The following CMTM8 variants were observed in gnomAD, a reference collection of about 807,000 sequenced individuals.
CMTM8 encodes CKLF-like MARVEL transmembrane domain-containing protein 8.
CMTM8 carries 12 observed loss-of-function variants against 18.6 expected under a neutral mutation model. The observed-to-expected ratio is 0.65, with a 90% CI of 0.41 to 1.05. CMTM8 has a LOEUF of 1.05. Among genes scored for constraint, CMTM8 ranks in the 50% least tolerant of loss-of-function variants. CMTM8 has a pLI of 0.00. For missense variants in CMTM8, 217 were observed against 227.2 expected (o/e 0.95, Z 0.29); for synonymous variants, 87 against 90.6 (o/e 0.96, Z 0.23).
intron 1 of CMTM8, among the ~76,000 whole-genome samples, chr3:32,351,285 A>G (rs1291024615): frequency 6.6e-6 from 1 of 152,262 alleles, no homozygotes; most frequent in Admixed American, 6.5e-5. Flanking sequence ...CCCCATATAT[A>G]GAACTCAATG....
intron 1 of CMTM8, among the ~76,000 whole-genome samples, chr3:32,275,140 G>A (rs1355013091): frequency 1.3e-5 from 2 of 151,652 alleles, no homozygotes; most frequent in East Asian, 1.9e-4. Flanking sequence ...AAGTAGCTGG[G>A]ACTACAGGTG....
At chr3:32,278,739 T>TA (rs1280547178) in intron 1 of CMTM8, among the ~76,000 whole-genome samples, 1 of 152,244 alleles carries the variant, frequency 6.6e-6, no homozygotes, top group Non-Finnish European at 1.5e-5. Flanking sequence ...TTAGTTTACT[T>TA]ACCTTTATAT....
In CMTM8 at chr3:32,344,768, A is replaced by C. The variant is rs536494093; in HGVS notation, c.148-12605A>C. Among the ~76,000 whole-genome samples the C allele has an allele frequency of 2.0e-5, 3 of 152,152 alleles. 1 individual carries two copies. Among genetic ancestry groups the C allele is most frequent in the South Asian group, 4.2e-4 (2 of 4,812 alleles). On this transcript the variant is annotated intron_variant, in intron 1 of 3. Coordinates refer to ENST00000307526, the MANE Select transcript of CMTM8 (RefSeq NM_178868.5). Reference sequence around the variant, plus strand: ...AACCTAGCTGGGCATGGTTGCATGCACCTGTAGTTCCAGCTATTTTGGAGG... The same window carrying C: ...AACCTAGCTGGGCATGGTTGCATGCCCCTGTAGTTCCAGCTATTTTGGAGG...
intron 1 of CMTM8, among the ~76,000 whole-genome samples, chr3:32,352,649 AT>A (rs544721593): frequency 1.0e-3 from 155 of 152,344 alleles, no homozygotes; most frequent in South Asian, 7.9e-3. Flanking sequence ...GCAGAAACTA[AT>A]CTAGGATGAT....
At chr3:32,242,585 C>T (rs547478965) in intron 1 of CMTM8, among the ~76,000 whole-genome samples, 10 of 152,268 alleles carry the variant, frequency 6.6e-5, no homozygotes, top group African/African-American at 2.2e-4. Context: ...ACCTCGGCCT[C>T]CCAAAGTTCT....
chr3:32,282,452 G>A (rs1295293237), intron 1 of CMTM8, among the ~76,000 whole-genome samples: 2 of 151,942 alleles, frequency 1.3e-5, no homozygotes, highest in African/African-American at 2.4e-5. Context: ...TTTTAGCTAT[G>A]AGAATGGTGA....
chr3:32,362,625 C>A (rs1337878263), intron 2 of CMTM8, among the ~76,000 whole-genome samples: 1 of 152,192 alleles, frequency 6.6e-6, no homozygotes, highest in African/African-American at 2.4e-5. Context: ...GCCATTTCCA[C>A]TGTGCCATCC....
intron 1 of CMTM8, among the ~76,000 whole-genome samples, chr3:32,338,176 G>T (rs931001651): frequency 2.0e-5 from 3 of 151,956 alleles, no homozygotes; most frequent in South Asian, 2.1e-4. Context: ...CAGAGACGGG[G>T]TTTCACCATG....
chr3:32,258,386 C>T (rs955626771), intron 1 of CMTM8, among the ~76,000 whole-genome samples: 2 of 152,168 alleles, frequency 1.3e-5, no homozygotes, highest in Non-Finnish European at 2.9e-5. Context: ...CAAAGAAGTT[C>T]AGTAGTTTTG....
chr3:32,272,301 T>G (rs149932131), intron 1 of CMTM8, among the ~76,000 whole-genome samples: 13 of 152,330 alleles, frequency 8.5e-5, no homozygotes, highest in African/African-American at 2.9e-4. Context: ...GGTTTTCTTT[T>G]TATTTATCCT....
intron 1 of CMTM8, among the ~76,000 whole-genome samples, chr3:32,244,756 T>G (rs1701988832): frequency 6.6e-6 from 1 of 152,226 alleles, no homozygotes; most frequent in African/African-American, 2.4e-5. Context: ...GCATAACCAG[T>G]GCTGTAGCAA....
rs988516291 is a variant in CMTM8, at chr3:32,272,909, C to T, written c.147+33790C>T. 3.9e-5 allele frequency among the ~76,000 whole-genome samples: 6 copies of T among 152,100 alleles called. No homozygotes were observed. In the South Asian group the frequency reaches 1.2e-3, roughly 32 times the overall value. Reference sequence around the variant, plus strand: ...ATGGGCCCTTTGCTTTGTCTCCCACCACCCTGTACCTAGATGAAAGCTTGA... The same window carrying T: ...ATGGGCCCTTTGCTTTGTCTCCCACTACCCTGTACCTAGATGAAAGCTTGA... On this transcript the variant is annotated intron_variant, in intron 1 of 3. Coordinates refer to ENST00000307526, the MANE Select transcript of CMTM8 (RefSeq NM_178868.5).
intron 1 of CMTM8, 125 bp downstream of exon 1, chr3:32,239,244 A>G: frequency 9.5e-7 from 1 of 1,054,088 alleles, no homozygotes; most frequent in Non-Finnish European, 1.3e-6. Context: ...GTTTTTGCTC[A>G]GCCTCGCCTT....
intron 2 of CMTM8, among the ~76,000 whole-genome samples, chr3:32,362,241 C>T (rs150012730): frequency 6.6e-5 from 10 of 151,840 alleles, no homozygotes; most frequent in Non-Finnish European, 1.2e-4. Flanking sequence ...CGGGGTTTCA[C>T]CGTGTTAGCC....
chr3:32,293,875 A>G (rs748941022), intron 1 of CMTM8, among the ~76,000 whole-genome samples: 1 of 152,164 alleles, frequency 6.6e-6, no homozygotes, highest in Non-Finnish European at 1.5e-5. Flanking sequence ...TCTGTGAGTA[A>G]GCCTGTTCAT....
intron 1 of CMTM8, chr3:32,259,042 C>T: frequency 2.8e-6 from 1 of 358,308 alleles, no homozygotes; most frequent in Non-Finnish European, 5.4e-6. Flanking sequence ...GTGCAGCAAG[C>T]ATCTATGCAG....
intron 1 of CMTM8, among the ~76,000 whole-genome samples, chr3:32,270,357 A>G (rs752453394): frequency 6.6e-5 from 10 of 152,240 alleles, no homozygotes; most frequent in East Asian, 5.8e-4. Flanking sequence ...TGACCCAGCC[A>G]TCCCATTACT....
intron 1 of CMTM8, among the ~76,000 whole-genome samples, chr3:32,276,152 C>T (rs1432216195): frequency 1.3e-5 from 2 of 152,192 alleles, no homozygotes; most frequent in East Asian, 1.9e-4. Context: ...ATTCTTCTCC[C>T]CTTCTGTTTT....
At chr3:32,319,701 C>A (rs1028436776) in intron 1 of CMTM8, among the ~76,000 whole-genome samples, 1 of 152,158 alleles carries the variant, frequency 6.6e-6, no homozygotes, top group African/African-American at 2.4e-5. Context: ...TCAGCAGTTC[C>A]GCTTTTCCAT....
Sources: gnomAD v4.1 joint callset for allele counts (sites outside exome capture counted in the v4.1 genomes callset) on GRCh38, gnomAD v4.1.1 for gene constraint, MANE v1.5 for transcripts, NCBI Gene and HGNC (gene_info 2026-07-23, HGNC 2026-07-21) for gene names.